The following DCAF8L2 variants were observed in gnomAD, a reference collection of about 807,000 sequenced individuals.
The protein encoded by DCAF8L2 is DDB1 and CUL4 associated factor 8 like 2, also known as DDB1- and CUL4-associated factor 8-like protein 2.
For synonymous variants in DCAF8L2, 200 were observed against 190.9 expected, an observed-to-expected ratio of 1.05 and a Z score of -0.39; for missense variants, 430 against 490.7, an observed-to-expected ratio of 0.88 and a Z score of 1.17.
At chrX:27,542,132 T>C in the DCAF8L2 span, among the ~76,000 whole-genome samples, 1 of 111,748 alleles carries the variant, frequency 8.9e-6, no homozygotes, top group African/African-American at 3.3e-5. Flanking sequence ...TCTATGTCTT[T>C]GCTACTGTGA....
rs1267958010 is a variant in DCAF8L2, at chrX:27,687,326, TA to T, written c.-143+9415del. On this transcript the variant is annotated intron_variant, in intron 3 of 4. Transcript: ENST00000451261. ...TTAGAATAAAATGTACTTAAGCAAT[TA>T]GGGGGGAAAACCTGTTCAGTGAATA... Among the ~76,000 whole-genome samples the T allele has an allele frequency of 1.0e-3, 113 of 111,739 alleles. 1 individual carries two copies. The highest frequency in any genetic ancestry group is 3.4e-3 in the African/African-American group (106 of 30,739).
chrX:27,471,566 C>T, the DCAF8L2 span, among the ~76,000 whole-genome samples: 1 of 111,134 alleles, frequency 9.0e-6, no homozygotes, highest in Non-Finnish European at 1.9e-5. Flanking sequence ...TATCTCCTTC[C>T]TCATGGTTCA....
Position 27,676,920 on chromosome X carries a change from A to T in DCAF8L2, c.-219-916A>T, listed in dbSNP as rs1303657068. ...TTTGCTAATCTTACTTTTTTGCCTA[A>T]ACAAAATGCTGTCTTCTTCCTCTAG... On this transcript the variant is annotated intron_variant, in intron 2 of 4. Coordinates refer to ENST00000451261, the MANE Select transcript of DCAF8L2 (RefSeq NM_001353450.2). 3 of 111,327 alleles carry T rather than the reference A, an allele frequency of 2.7e-5. No homozygotes were observed. In the East Asian group the frequency reaches 8.4e-4, roughly 31 times the overall value. The allele number at this position is 111,327 out of a possible 1,213,427, so 9.2% of individuals were successfully genotyped here. A position where few individuals can be genotyped will look rare whatever the true frequency, so the allele number is the denominator to read the frequency against.
the DCAF8L2 span, among the ~76,000 whole-genome samples, chrX:27,500,563 G>A: frequency 9.0e-6 from 1 of 111,589 alleles, no homozygotes; most frequent in Non-Finnish European, 1.9e-5. Context: ...CAAAAAAAGA[G>A]CAAAATTCAA....
At chrX:27,627,183 T>C (rs893878736) in intron 1 of DCAF8L2, among the ~76,000 whole-genome samples, 1 of 111,149 alleles carries the variant, frequency 9.0e-6, no homozygotes, top group Non-Finnish European at 1.9e-5. Flanking sequence ...GTTTTCTCTC[T>C]TATTATTTTT....
intron 1 of DCAF8L2, among the ~76,000 whole-genome samples, chrX:27,598,494 CG>C (rs1182555126): frequency 8.9e-6 from 1 of 112,324 alleles, no homozygotes; most frequent in Non-Finnish European, 1.9e-5. Flanking sequence ...CCCCGCTAGC[CG>C]GGCTGTAAAG....
intron 2 of DCAF8L2, among the ~76,000 whole-genome samples, chrX:27,644,712 C>A (rs1928872861): frequency 8.9e-6 from 1 of 111,865 alleles, no homozygotes; most frequent in African/African-American, 3.2e-5. Context: ...CAAAGAGGAA[C>A]TGGTCCAAAC....
chrX:27,619,435 G>C (rs1302491857), intron 1 of DCAF8L2, among the ~76,000 whole-genome samples: 1 of 111,315 alleles, frequency 9.0e-6, no homozygotes, highest in African/African-American at 3.3e-5. Context: ...GACAGAGACA[G>C]AGAGATTTGT....
intron 1 of DCAF8L2, among the ~76,000 whole-genome samples, chrX:27,604,811 A>G (rs928859392): frequency 2.7e-5 from 3 of 111,703 alleles, no homozygotes; most frequent in Admixed American, 9.6e-5. Flanking sequence ...AATTCAAGAC[A>G]TGCTTCTGTA....
chrX:27,509,983 C>T, the DCAF8L2 span, among the ~76,000 whole-genome samples: 54 of 111,298 alleles, frequency 4.9e-4, no homozygotes, highest in African/African-American at 1.7e-3. Context: ...CATGCAAAGC[C>T]TACTTAATTA....
rs1555930613 is a variant in DCAF8L2 at position 27,704,181 on chromosome X, C to CACACACACATAT, written c.-142-11906_-142-11895dup. On this transcript the variant is annotated intron_variant, in intron 3 of 4. Transcript: ENST00000451261. ...ATATATATATATATATATACATATACACACACACATATGTATATACACATG... is the reference window on the plus strand; with the variant it reads ...ATATATATATATATATATACATATACACACACACATATACACACACATATGTATATACACATG... Among the ~76,000 whole-genome samples the CACACACACATAT allele has an allele frequency of 9.2e-3, 820 of 89,226 alleles. 43 individuals are homozygous for CACACACACATAT. The highest frequency in any genetic ancestry group is 0.043 in the African/African-American group (761 of 17,895). The allele number at this position is 89,226 out of a possible 115,157, so 77.5% of individuals were successfully genotyped here.
intron 2 of DCAF8L2, among the ~76,000 whole-genome samples, chrX:27,661,026 T>A (rs1181451575): frequency 9.0e-6 from 1 of 111,730 alleles, no homozygotes; most frequent in Admixed American, 9.5e-5. Flanking sequence ...TGTCACCTGG[T>A]GGTGGCTTTG....
chrX:27,626,294 AC>A (rs1928005359), intron 1 of DCAF8L2, among the ~76,000 whole-genome samples: 1 of 111,956 alleles, frequency 8.9e-6, no homozygotes, highest in Admixed American at 9.5e-5. Flanking sequence ...GAATTGCTAT[AC>A]ACACTGACAG....
the DCAF8L2 span, among the ~76,000 whole-genome samples, chrX:27,528,595 G>C: frequency 9.2e-6 from 1 of 108,189 alleles, no homozygotes; most frequent in African/African-American, 3.3e-5. Flanking sequence ...TAAAACTGAA[G>C]TGAAAAATAT....
intron 4 of DCAF8L2, among the ~76,000 whole-genome samples, chrX:27,727,374 G>T (rs902919192): frequency 9.0e-6 from 1 of 110,645 alleles, no homozygotes; most frequent in African/African-American, 3.3e-5. Flanking sequence ...AATCTTTCCC[G>T]TTATCTTTTG....
At chrX:27,590,081 C>T (rs368142540), upstream of DCAF8L2, among the ~76,000 whole-genome samples, 1 of 110,943 alleles carries the variant, frequency 9.0e-6, no homozygotes, top group East Asian at 2.8e-4. Flanking sequence ...AAGACAAATC[C>T]CAAACAATTA....
intron 1 of DCAF8L2, among the ~76,000 whole-genome samples, chrX:27,610,961 G>A (rs1224280903): frequency 3.6e-5 from 4 of 111,691 alleles, no homozygotes; most frequent in African/African-American, 9.8e-5. Flanking sequence ...TTTTTTAATC[G>A]GAAAAAAAAC....
At chrX:27,530,526 G>A in the DCAF8L2 span, among the ~76,000 whole-genome samples, 4 of 111,144 alleles carry the variant, frequency 3.6e-5, no homozygotes, top group African/African-American at 1.3e-4. Context: ...ACGTCATCTG[G>A]TGTAGTGGAG....
chrX:27,513,935 A>G, the DCAF8L2 span, among the ~76,000 whole-genome samples: 1 of 111,951 alleles, frequency 8.9e-6, no homozygotes, highest in Non-Finnish European at 1.9e-5. Flanking sequence ...CTGAATCACC[A>G]TTGGTGATGG....
Sources: allele counts gnomAD v4.1 joint callset (sites outside exome capture counted in the v4.1 genomes callset), GRCh38; gene constraint gnomAD v4.1.1; transcripts MANE v1.5; gene names NCBI Gene and HGNC (gene_info 2026-07-23, HGNC 2026-07-21).